BMP6: variants seen among roughly 807,000 people sequenced by gnomAD.
The protein encoded by BMP6 is bone morphogenetic protein 6.
In BMP6, 17 loss-of-function variants were observed where a neutral mutation model predicts 54.1. The observed-to-expected ratio is 0.31, with a 90% CI of 0.22 to 0.47. BMP6 has a LOEUF of 0.47. Ranked by LOEUF, BMP6 falls within the 20% of genes least tolerant of loss-of-function variation. The pLI is 1.00. For synonymous variants in BMP6, 328 were observed against 291.2 expected, an observed-to-expected ratio of 1.13 and a Z score of -1.28; for missense variants, 720 against 690.4, an observed-to-expected ratio of 1.04 and a Z score of -0.48.
In BMP6 at chr6:7,858,076, C is replaced by T. The variant is rs186468284; in HGVS notation, c.858-3375C>T. On this transcript the variant is annotated intron_variant, in intron 2 of 6. Coordinates refer to ENST00000283147, the MANE Select transcript of BMP6 (RefSeq NM_001718.6). ...ACCTGACCCTGATGGGGGAGGCCCA[C>T]TGGTGATCGATTTATTTATTTATTT... 4.6e-5 allele frequency among the ~76,000 whole-genome samples: 7 copies of T among 152,188 alleles called. No homozygotes were observed. The East Asian group carries it at 9.7e-4, about 21-fold the overall frequency.
intron 5 of BMP6, 79 bp from the exon 6 acceptor site, chr6:7,879,912 T>C: frequency 7.0e-7 from 1 of 1,427,878 alleles, no homozygotes; most frequent in Non-Finnish European, 9.9e-7. Context: ...AAAATACCTT[T>C]TCACAGCATT....
Position 7,727,291 on chromosome 6 carries a change from G to T in BMP6, c.336G>T (p.Glu112Asp). ...PQPPALRQQEEQQQQQQLPRG... is the reference protein window; with the variant it reads ...PQPPALRQQEDQQQQQQLPRG... ...CCCCGGCGCTCCGGCAGCAGGAGGA[G>T]CAGCAGCAGCAGCAGCAGCTGCCTC... Residue 112 changes from glutamate (E) to aspartate (D), a missense_variant, in exon 1 of 7, where the codon GAG (glutamate) becomes GAT (aspartate). Transcript: ENST00000283147. 6.3e-7 allele frequency: 1 copy of T among 1,580,792 alleles called. No homozygotes were observed.
intron 1 of BMP6, among the ~76,000 whole-genome samples, chr6:7,802,123 G>T (rs993216821): frequency 7.2e-5 from 11 of 152,316 alleles, no homozygotes; most frequent in Middle Eastern, 3.4e-3. Flanking sequence ...GCCTGGATGA[G>T]AACCTTATGT....
intron 1 of BMP6, among the ~76,000 whole-genome samples, chr6:7,811,822 A>G (rs975555500): frequency 6.6e-6 from 1 of 152,244 alleles, no homozygotes. Flanking sequence ...CTTTCTGCAG[A>G]TAACTTCAGT....
intron 1 of BMP6, among the ~76,000 whole-genome samples, chr6:7,801,420 A>T (rs926625439): frequency 1.3e-5 from 2 of 152,202 alleles, no homozygotes; most frequent in Non-Finnish European, 2.9e-5. Flanking sequence ...ATCTGAATAA[A>T]TCCTTAAGAG....
chr6:7,812,720 T>C (rs557033491), intron 1 of BMP6, among the ~76,000 whole-genome samples: 2 of 152,158 alleles, frequency 1.3e-5, no homozygotes, highest in Admixed American at 6.5e-5. Context: ...ATGTAAAATA[T>C]GTAGAACACA....
At chr6:7,827,028 T>TGG (rs1758707521) in intron 1 of BMP6, among the ~76,000 whole-genome samples, 1 of 152,226 alleles carries the variant, frequency 6.6e-6, no homozygotes, top group African/African-American at 2.4e-5. Context: ...AGCATCAACC[T>TGG]GGAAACCAAT....
At chr6:7,855,526 A>G (rs1759211648) in intron 2 of BMP6, among the ~76,000 whole-genome samples, 1 of 139,290 alleles carries the variant, frequency 7.2e-6, no homozygotes, top group Non-Finnish European at 1.5e-5. Flanking sequence ...TGTGCAAGCC[A>G]CTTAATCTCA....
chr6:7,742,893 C>A (rs540100565), intron 1 of BMP6, among the ~76,000 whole-genome samples: 28 of 152,214 alleles, frequency 1.8e-4, no homozygotes, highest in African/African-American at 5.3e-4. Context: ...CAGGTAGGTC[C>A]TGGAACAGAG....
chr6:7,846,453 T>C (rs1269069569), intron 2 of BMP6, among the ~76,000 whole-genome samples: 1 of 152,242 alleles, frequency 6.6e-6, no homozygotes, highest in Non-Finnish European at 1.5e-5. Context: ...GAAAGGTTCA[T>C]TTTTGTTTTG....
At chr6:7,776,472 G>A (rs1030171572) in intron 1 of BMP6, among the ~76,000 whole-genome samples, 1 of 152,192 alleles carries the variant, frequency 6.6e-6, no homozygotes, top group South Asian at 2.1e-4. Flanking sequence ...TATTTAGTTG[G>A]CAAGTCATGT....
At chr6:7,773,158 G>A (rs1757815422) in intron 1 of BMP6, among the ~76,000 whole-genome samples, 1 of 152,192 alleles carries the variant, frequency 6.6e-6, no homozygotes, top group African/African-American at 2.4e-5. Context: ...GCCTGATGCT[G>A]TTTCTGTAGT....
intron 1 of BMP6, among the ~76,000 whole-genome samples, chr6:7,787,687 A>G (rs1395954289): frequency 1.3e-5 from 2 of 152,132 alleles, no homozygotes; most frequent in Admixed American, 1.3e-4. Flanking sequence ...GCTCTAGCAT[A>G]TTTGCGTGTT....
chr6:7,726,198 C>G lies in BMP6; in HGVS notation c.-758C>G, dbSNP rs569068507. 1.6e-4 allele frequency among the ~76,000 whole-genome samples: 24 copies of G among 152,306 alleles called. No individual in the cohort carries two copies. In the South Asian group the frequency reaches 4.8e-3, roughly 30 times the overall value. ...GGCCGCTGCTCGGTGCACTAGCCCC[C>G]TTCCTTCCCATCCTTTCTGCGAGCG... On this transcript the variant is annotated 5_prime_UTR_variant, in exon 1 of 7. Transcript: ENST00000283147.
chr6:7,865,412 C>T (rs1346758007), intron 4 of BMP6, among the ~76,000 whole-genome samples: 2 of 152,114 alleles, frequency 1.3e-5, no homozygotes, highest in Non-Finnish European at 2.9e-5. Context: ...GAAGGATGCT[C>T]CCTCCTTCTC....
Position 7,763,969 on chromosome 6 carries a change from C to G in BMP6, c.664+36350C>G, listed in dbSNP as rs148593752. Among the ~76,000 whole-genome samples the G allele has an allele frequency of 1.0e-3, 157 of 152,292 alleles. 2 individuals are homozygous for G. Among genetic ancestry groups the G allele is most frequent in the African/African-American group, 3.5e-3 (146 of 41,558 alleles). ...GGATCAAGCGTATGTGTCCTGCGTT[C>G]ATTTCTAGGTCTGTAAACAAACACA... On this transcript the variant is annotated intron_variant, in intron 1 of 6. Coordinates refer to ENST00000283147, the MANE Select transcript of BMP6 (RefSeq NM_001718.6).
chr6:7,798,151 G>A (rs1248425645), intron 1 of BMP6, among the ~76,000 whole-genome samples: 1 of 152,204 alleles, frequency 6.6e-6, no homozygotes, highest in East Asian at 1.9e-4. Context: ...TGGATTTAAT[G>A]ATGACAAAAG....
chr6:7,846,069 G>C (rs1164875001), intron 2 of BMP6, among the ~76,000 whole-genome samples: 1 of 152,188 alleles, frequency 6.6e-6, no homozygotes, highest in Non-Finnish European at 1.5e-5. Context: ...GGTCAGTTTA[G>C]TAAGTCAGTG....
chr6:7,877,501 T>C (rs947929271), intron 4 of BMP6, among the ~76,000 whole-genome samples: 1 of 152,096 alleles, frequency 6.6e-6, no homozygotes, highest in African/African-American at 2.4e-5. Context: ...CTCGCGCCTG[T>C]AGTCCCAGCT....
Sources: gnomAD v4.1 joint callset for allele counts (sites outside exome capture counted in the v4.1 genomes callset) on GRCh38, gnomAD v4.1.1 for gene constraint, MANE v1.5 for transcripts, NCBI Gene and HGNC (gene_info 2026-07-23, HGNC 2026-07-21) for gene names.